Variants in RBM26 observed in about 807,000 individuals in gnomAD.
RBM26 encodes the protein RNA binding motif protein 26.
RBM26 carries 30 observed loss-of-function variants against 123.6 expected under a neutral mutation model. The ratio of observed to expected loss-of-function variants is 0.24; its 90% CI spans 0.18 to 0.33. The LOEUF is 0.33. Ranked by LOEUF, RBM26 falls within the 10% of genes least tolerant of loss-of-function variation. RBM26 has a pLI of 1.00. For synonymous variants in RBM26, 400 were observed against 404.4 expected (o/e 0.99, Z 0.13); for missense variants, 947 against 1,203.6 (o/e 0.79, Z 3.15).
At chr13:79,332,228 G>A (rs1413228083) in intron 20 of RBM26, among the ~76,000 whole-genome samples, 3 of 152,072 alleles carry the variant, frequency 2.0e-5, no homozygotes, top group African/African-American at 7.2e-5. Flanking sequence ...CCTTTACTGC[G>A]AGTTCATGTT....
At chr13:79,369,787 T>C (rs1443273259) in intron 5 of RBM26, among the ~76,000 whole-genome samples, 2 of 152,212 alleles carry the variant, frequency 1.3e-5, no homozygotes, top group African/African-American at 4.8e-5. Flanking sequence ...CTTTTAAAAA[T>C]AGTTTTGAAG....
intron 14 of RBM26, among the ~76,000 whole-genome samples, chr13:79,349,245 A>T (rs1346254713): frequency 6.6e-6 from 1 of 152,208 alleles, no homozygotes; most frequent in Non-Finnish European, 1.5e-5. Flanking sequence ...ACACATTGTT[A>T]TTAACTATAG....
At chr13:79,369,397 A>G (rs1050786823) in intron 5 of RBM26, among the ~76,000 whole-genome samples, 28 of 152,112 alleles carry the variant, frequency 1.8e-4, no homozygotes, top group African/African-American at 1.4e-4. Flanking sequence ...TTATATTAAG[A>G]TAAGAACGGA....
intron 14 of RBM26, among the ~76,000 whole-genome samples, chr13:79,348,189 T>C (rs1212521089): frequency 6.6e-6 from 1 of 152,162 alleles, no homozygotes; most frequent in Non-Finnish European, 1.5e-5. Flanking sequence ...TTTGTGTCTA[T>C]GTTCATGACA....
intron 14 of RBM26, among the ~76,000 whole-genome samples, chr13:79,349,423 T>A (rs952875390): frequency 2.0e-5 from 3 of 152,050 alleles, no homozygotes; most frequent in Non-Finnish European, 4.4e-5. Context: ...ATAAGTGAAA[T>A]AGACAAAGGG....
chr13:79,385,960 C>G (rs2077445342), intron 1 of RBM26, among the ~76,000 whole-genome samples: 1 of 152,070 alleles, frequency 6.6e-6, no homozygotes, highest in African/African-American at 2.4e-5. Context: ...CTACTCTTCT[C>G]TCCCCCAGCA....
downstream of RBM26, chr13:79,314,866 T>G (rs899897814): frequency 1.6e-6 from 1 of 635,352 alleles, no homozygotes; most frequent in Non-Finnish European, 2.5e-6. Flanking sequence ...TGTAAACATC[T>G]GTTCAAATTG....
chr13:79,379,303 G>A (rs1022557977), intron 1 of RBM26, among the ~76,000 whole-genome samples: 3 of 149,698 alleles, frequency 2.0e-5, no homozygotes, highest in Non-Finnish European at 3.0e-5. Context: ...GGAGACCTAG[G>A]CGGGCAGATC....
intron 3 of RBM26, 53 bp downstream of exon 3, chr13:79,377,326 T>C (rs2076737445): frequency 6.6e-7 from 1 of 1,504,936 alleles, no homozygotes; most frequent in Non-Finnish European, 9.2e-7. Flanking sequence ...CTCAGTTTGG[T>C]TATTCCTCTT....
Position 79,342,699 on chromosome 13 carries a change from G to A in RBM26, c.2392C>T (p.Arg798Cys), listed in dbSNP as rs147224576. The A allele has an allele frequency of 9.3e-5, 150 of 1,610,662 alleles. No homozygotes were observed. Among genetic ancestry groups the A allele is most frequent in the Non-Finnish European group, 1.2e-4 (138 of 1,178,108 alleles). ...KDEVKAASPG[R>C]CLPKSIKTKT... Reference sequence around the variant, plus strand: ...GTTTTTATACTTTTTGGAAGACAGCGTCCAGGAGAAGCAGCTTTGACCTCA... The same window carrying A: ...GTTTTTATACTTTTTGGAAGACAGCATCCAGGAGAAGCAGCTTTGACCTCA... The change falls in exon 17 of 22, where the codon CGC becomes TGC. Residue 798 changes from arginine to cysteine, a missense_variant. By Grantham distance (180) the Arg-to-Cys change is radical (BLOSUM62 -3). This residue lies in a region of RBM26 where 493 missense variants were observed against 563.1 expected (regional missense o/e 0.88). Transcript: ENST00000438737.
chr13:79,402,881 C>G (rs1272480273), intron 1 of RBM26, among the ~76,000 whole-genome samples: 2 of 112,130 alleles, frequency 1.8e-5, no homozygotes, highest in Non-Finnish European at 3.9e-5. Context: ...ATCTTGCACA[C>G]TGCTTAGCAC....
chr13:79,330,220 ACATT>A (rs1802851648), intron 20 of RBM26, among the ~76,000 whole-genome samples: 1 of 152,208 alleles, frequency 6.6e-6, no homozygotes, highest in South Asian at 2.1e-4. Context: ...ATTCTTACAC[ACATT>A]CATTCAAAGC....
chr13:79,395,767 A>G (rs999811184), intron 1 of RBM26, among the ~76,000 whole-genome samples: 1 of 152,136 alleles, frequency 6.6e-6, no homozygotes, highest in Admixed American at 6.5e-5. Flanking sequence ...CAAACAAAAA[A>G]ATGGAAAATA....
At chr13:79,375,919 G>C (rs1334856420) in intron 3 of RBM26, among the ~76,000 whole-genome samples, 5 of 151,942 alleles carry the variant, frequency 3.3e-5, no homozygotes, top group Admixed American at 6.6e-5. Context: ...ACCATTTACT[G>C]AGAACCTACC....
chr13:79,390,241 A>C (rs1396605439), intron 1 of RBM26, among the ~76,000 whole-genome samples: 2 of 152,180 alleles, frequency 1.3e-5, no homozygotes, highest in African/African-American at 4.8e-5. Context: ...ACTACTGTAT[A>C]TACCATGATT....
intron 20 of RBM26, among the ~76,000 whole-genome samples, chr13:79,331,128 A>G (rs535053978): frequency 6.6e-6 from 1 of 151,996 alleles, no homozygotes; most frequent in Admixed American, 6.5e-5. Flanking sequence ...CTCCCACCTT[A>G]GCCTCGCAAA....
In RBM26 at chr13:79,371,057, C is replaced by A. The variant is rs112154161; in HGVS notation, c.522G>T (p.Gly174=). Residue 174 remains glycine, a synonymous_variant, in exon 5 of 22, where the codon GGG becomes GGT. Coordinates refer to ENST00000438737, the MANE Select transcript of RBM26 (RefSeq NM_001366735.2). ...SYRDRYNRRR[G]RSRSYSRSRS... ...GACTCCTGCTATAACTGCGACTCCG[C>A]CCTCGTCTTCTATTGTACCGGTCTC... 13 of 1,613,860 alleles carry A rather than the reference C, an allele frequency of 8.1e-6. No homozygotes were observed. In the African/African-American group the frequency reaches 9.3e-5, roughly 12 times the overall value.
chr13:79,351,866 G>A (rs557568561), intron 14 of RBM26, among the ~76,000 whole-genome samples: 74 of 152,162 alleles, frequency 4.9e-4, no homozygotes, highest in African/African-American at 1.7e-3. Context: ...TAAACTAGAC[G>A]AGGGGAATTC....
rs1450338501 is a variant in RBM26 at position 79,363,843 on chromosome 13, C to T, written c.1417+1735G>A. Among the ~76,000 whole-genome samples, 3 of 152,042 alleles carry T rather than the reference C, an allele frequency of 2.0e-5. No homozygotes were observed. In the East Asian group the frequency reaches 5.8e-4, roughly 29 times the overall value. On this transcript the variant is annotated intron_variant, in intron 9 of 21. Transcript: ENST00000438737. ...GCATGTATTTACAGCTCCAAAGCAGCAAGGTAGAAAGAAATGACTTTAGTG... is the reference window on the plus strand; with the variant it reads ...GCATGTATTTACAGCTCCAAAGCAGTAAGGTAGAAAGAAATGACTTTAGTG...
Sources: gnomAD v4.1 joint callset for allele counts (sites outside exome capture counted in the v4.1 genomes callset) on GRCh38, gnomAD v4.1.1 for gene constraint, gnomAD v4.1.1 regional missense constraint, MANE v1.5 for transcripts, NCBI Gene and HGNC (gene_info 2026-07-23, HGNC 2026-07-21) for gene names.